The following ENPP1 variants were observed in gnomAD, a reference collection of about 807,000 sequenced individuals.
ENPP1 encodes the protein ectonucleotide pyrophosphatase/phosphodiesterase 1.
ENPP1 carries 73 observed loss-of-function variants against 122.8 expected under a neutral mutation model. The observed-to-expected ratio is 0.59, with a 90% CI of 0.49 to 0.72. The LOEUF (loss-of-function observed/expected upper bound fraction) is 0.72. Ranked by LOEUF, ENPP1 falls within the 30% of genes least tolerant of loss-of-function variation. The pLI, the probability that ENPP1 is intolerant of heterozygous loss-of-function variation, is 0.00. For synonymous variants in ENPP1, 367 were observed against 391.6 expected, an observed-to-expected ratio of 0.94 and a Z score of 0.74; for missense variants, 978 against 1,128.1, an observed-to-expected ratio of 0.87 and a Z score of 1.91.
intron 8 of ENPP1, among the ~76,000 whole-genome samples, chr6:131,860,911 CT>C (rs1245724625): frequency 6.6e-6 from 1 of 152,078 alleles, no homozygotes; most frequent in East Asian, 1.9e-4. Context: ...CTGTGTTCTC[CT>C]TTTTAATTTT....
At chr6:131,818,804 G>C (rs1180469545) in intron 1 of ENPP1, among the ~76,000 whole-genome samples, 1 of 152,162 alleles carries the variant, frequency 6.6e-6, no homozygotes, top group East Asian at 1.9e-4. Context: ...CAGCTGTGCG[G>C]TTGTTTAAGT....
rs560060763 is a variant in ENPP1, at chr6:131,827,099, G to A, written c.240+18824G>A. The A allele has an allele frequency of 2.4e-4, 162 of 673,058 alleles. 1 individual carries two copies. Among genetic ancestry groups the A allele is most frequent in the African/African-American group, 3.5e-5 (2 of 56,476 alleles). 41.7% of individuals were successfully genotyped at this position (673,058 alleles called of 1,614,324 possible). A position where few individuals can be genotyped will look rare whatever the true frequency, so the allele number is the denominator to read the frequency against. On this transcript the variant is annotated intron_variant, in intron 1 of 24. Coordinates refer to ENST00000647893, the MANE Select transcript of ENPP1 (RefSeq NM_006208.3). The stretch of plus-strand genomic sequence containing the variant: ...GCTCCAGGCTTAGCACCTCCATTTC[G>A]GTGAACTCAAAGACATTTGTCTGGA...
chr6:131,872,933 C>T lies in ENPP1; in HGVS notation c.1448C>T (p.Pro483Leu), dbSNP rs1782181320. The change falls in exon 15 of 25, where the codon CCA (proline) becomes CTA (leucine). Residue 483 changes from proline (P) to leucine (L), a missense_variant. Coordinates refer to ENST00000647893, the MANE Select transcript of ENPP1 (RefSeq NM_006208.3). ...TGTTTGCAATTTCAGTGCCGGGAAC[C>T]AAACCAGCACTTCAAACCTTACCTG... is the stretch of plus-strand genomic sequence containing the variant. ...GIARNLSCREPNQHFKPYLKH... is the reference protein window; with the variant it reads ...GIARNLSCRELNQHFKPYLKH... The T allele has an allele frequency of 6.2e-7, 1 of 1,613,446 alleles. No individual in the cohort carries two copies. The highest frequency in any genetic ancestry group is 8.5e-7 in the Non-Finnish European group (1 of 1,179,690).
chr6:131,850,076 T>G lies in ENPP1; in HGVS notation c.400T>G (p.Leu134Val). 1.2e-6 allele frequency: 2 copies of G among 1,613,358 alleles called. No individual in the cohort carries two copies. The highest frequency in any genetic ancestry group is 1.7e-6 in the Non-Finnish European group (2 of 1,179,344). Reference sequence around the variant, plus strand: ...CTGTGTTGAGCTTGGAAACTGCTGTTTAGATTACCAGGAGACGTGCATAGA... The same window carrying G: ...CTGTGTTGAGCTTGGAAACTGCTGTGTAGATTACCAGGAGACGTGCATAGA... ...AACVELGNCC[L>V]DYQETCIEPE... Residue 134 changes from leucine to valine, a missense_variant, in exon 3 of 25, where the codon TTA becomes GTA. Around this residue, in one of 3 missense-constraint regions of ENPP1, gnomAD observed 330 missense variants for 328.5 expected, o/e 1.00. Coordinates refer to ENST00000647893, the MANE Select transcript of ENPP1 (RefSeq NM_006208.3).
chr6:131,872,007 T>G, intron 13 of ENPP1, 63 bp from the exon 14 acceptor site: 2 of 1,185,438 alleles, frequency 1.7e-6, no homozygotes. Context: ...TTCTATATTT[T>G]TGTATTATGT....
At chr6:131,817,754 T>TACAC (rs138209749) in intron 1 of ENPP1, among the ~76,000 whole-genome samples, 10,438 of 146,130 alleles carry the variant, frequency 0.071, 517 homozygotes, top group African/African-American at 0.14. Context: ...TCTCTCTCCA[T>TACAC]ACACACACAC....
chr6:131,872,971 C>T lies in ENPP1; in HGVS notation c.1486C>T (p.Pro496Ser). 2 of 1,613,758 alleles carry T rather than the reference C, an allele frequency of 1.2e-6. No individual in the cohort carries two copies. Among genetic ancestry groups the T allele is most frequent in the Non-Finnish European group, 1.7e-6 (2 of 1,179,708 alleles). The change falls in exon 15 of 25, where the codon CCT becomes TCT. Residue 496 changes from proline (P) to serine (S), a missense_variant. By Grantham distance (74) the Pro-to-Ser change is moderately conservative (BLOSUM62 -1). Around this residue, in one of 3 missense-constraint regions of ENPP1, gnomAD observed 644 missense variants for 781.5 expected, o/e 0.82. Coordinates refer to ENST00000647893, the MANE Select transcript of ENPP1 (RefSeq NM_006208.3). ...CAAACCTTACCTGAAACATTTCTTA[C>T]CTAAGCGTTTGCACTTTGCTAAGAG... ...HFKPYLKHFL[P>S]KRLHFAKSDR... is the part of the protein sequence containing the mutation.
At chr6:131,810,727 C>T (rs1205677620) in intron 1 of ENPP1, among the ~76,000 whole-genome samples, 7 of 147,764 alleles carry the variant, frequency 4.7e-5, no homozygotes, top group Middle Eastern at 6.4e-3. Context: ...AGAAGAGTTG[C>T]GTTGCCTTGC....
At chr6:131,886,443 T>C (rs1782378002) in intron 23 of ENPP1, 119 bp from the exon 24 acceptor site, 3 of 762,292 alleles carry the variant, frequency 3.9e-6, no homozygotes, top group Middle Eastern at 3.8e-4. Flanking sequence ...TAGCTTCTTA[T>C]ATTTAATTAT....
intron 5 of ENPP1, 26 bp from the exon 6 acceptor site, chr6:131,854,900 A>AT (rs760744593): frequency 6.7e-4 from 995 of 1,495,558 alleles, no homozygotes; most frequent in Middle Eastern, 1.0e-3. Context: ...TTCTTTAAAC[A>AT]TTTTTTTTTC....
At chr6:131,855,081 C>A in intron 6 of ENPP1, 58 bp downstream of exon 6, 1 of 1,224,372 alleles carries the variant, frequency 8.2e-7, no homozygotes, top group Non-Finnish European at 1.2e-6. Flanking sequence ...ATTGACTAGG[C>A]AGGCAGTCTT....
intron 3 of ENPP1, 97 bp from the exon 4 acceptor site, chr6:131,851,045 G>T (rs1249505877): frequency 7.3e-7 from 1 of 1,364,048 alleles, no homozygotes; most frequent in Non-Finnish European, 1.0e-6. Flanking sequence ...GTTCATTGTT[G>T]CTCATGGATC....
chr6:131,879,738 AC>A, intron 19 of ENPP1, 141 bp from the exon 20 acceptor site: 1 of 732,866 alleles, frequency 1.4e-6, no homozygotes, highest in Non-Finnish European at 2.3e-6. Context: ...TTATGCTTCT[AC>A]CCTTTGTAAT....
chr6:131,841,824 C>G (rs1212362665), intron 1 of ENPP1, among the ~76,000 whole-genome samples: 1 of 152,150 alleles, frequency 6.6e-6, no homozygotes, highest in Non-Finnish European at 1.5e-5. Context: ...GCTAGCATCT[C>G]CTCGGTGAGG....
intron 19 of ENPP1, 59 bp from the exon 20 acceptor site, chr6:131,879,821 C>G: frequency 6.9e-7 from 1 of 1,440,364 alleles, no homozygotes; most frequent in Non-Finnish European, 9.8e-7. Flanking sequence ...GAGTGTATCA[C>G]ACTATATATT....
Position 131,838,590 on chromosome 6 carries a change from GA to G in ENPP1, c.241-9175del, listed in dbSNP as rs201994987. Among the ~76,000 whole-genome samples the G allele has an allele frequency of 1.2e-3, 161 of 137,216 alleles. 1 individual carries two copies. In the East Asian group the frequency reaches 0.021, roughly 18 times the overall value. 90.0% of individuals were successfully genotyped at this position (137,216 alleles called of 152,430 possible). On this transcript the variant is annotated intron_variant, in intron 1 of 24. Transcript: ENST00000647893. ...ATCTAAGCATCCATATTAACAGTAA[GA>G]AAAAAAAAAACCCGAAACCCAGAAC...
At chr6:131,825,067 A>T (rs2114664091) in intron 1 of ENPP1, among the ~76,000 whole-genome samples, 1 of 152,168 alleles carries the variant, frequency 6.6e-6, no homozygotes, top group East Asian at 1.9e-4. Context: ...CTCAAAAAAA[A>T]AACAAACAAA....
chr6:131,837,732 A>G (rs1781694896), intron 1 of ENPP1, among the ~76,000 whole-genome samples: 1 of 152,112 alleles, frequency 6.6e-6, no homozygotes, highest in African/African-American at 2.4e-5. Context: ...TACTATTCCC[A>G]TAATTGCCAA....
intron 24 of ENPP1, among the ~76,000 whole-genome samples, chr6:131,889,845 A>G (rs942824721): frequency 1.6e-4 from 24 of 152,284 alleles, no homozygotes; most frequent in Middle Eastern, 6.8e-3. Flanking sequence ...TTCTGCCTCT[A>G]GGTCTTTGAG....
Sources: gnomAD v4.1 joint callset for allele counts (sites outside exome capture counted in the v4.1 genomes callset) on GRCh38, gnomAD v4.1.1 for gene constraint, gnomAD v4.1.1 regional missense constraint, MANE v1.5 for transcripts, NCBI Gene and HGNC (gene_info 2026-07-23, HGNC 2026-07-21) for gene names.